Variants in HMCN1 observed in about 807,000 individuals in gnomAD.
The protein encoded by HMCN1 is hemicentin 1, also known as hemicentin-1.
Under a neutral mutation model 625.9 loss-of-function variants are expected in HMCN1, and 321 were observed. The ratio of observed to expected loss-of-function variants is 0.51; its 90% CI spans 0.47 to 0.56. HMCN1 has a LOEUF of 0.56. HMCN1 is among the 20% of genes least tolerant of loss of function. HMCN1 has a pLI of 0.00. For missense variants in HMCN1, 6,588 were observed against 6,887.3 expected (o/e 0.96, Z 1.54); for synonymous variants, 2,425 against 2,417.6 (o/e 1.00, Z -0.09).
intron 4 of HMCN1, among the ~76,000 whole-genome samples, chr1:185,888,595 G>A (rs1232985819): frequency 6.8e-6 from 1 of 146,720 alleles, no homozygotes; most frequent in Non-Finnish European, 1.5e-5. Flanking sequence ...TTTTTCTCAG[G>A]TTTGTCAAAG....
chr1:185,795,341 T>C (rs1215526018), intron 1 of HMCN1, among the ~76,000 whole-genome samples: 1 of 152,182 alleles, frequency 6.6e-6, no homozygotes, highest in African/African-American at 2.4e-5. Flanking sequence ...CATTGAGTCC[T>C]AAAAAAATAA....
intron 103 of HMCN1, among the ~76,000 whole-genome samples, chr1:186,176,451 C>A (rs1652584946): frequency 6.6e-6 from 1 of 152,202 alleles, no homozygotes; most frequent in South Asian, 2.1e-4. Flanking sequence ...TCTACATTAG[C>A]TTTTGAACTC....
At chr1:185,800,043 T>A (rs1003262659) in intron 1 of HMCN1, among the ~76,000 whole-genome samples, 2 of 152,128 alleles carry the variant, frequency 1.3e-5, no homozygotes, top group Admixed American at 6.5e-5. Context: ...GGGGCAATGT[T>A]CTAGTGTGCA....
At chr1:186,018,399 G>T (rs1280594958) in intron 34 of HMCN1, 47 bp downstream of exon 34, 1 of 1,514,134 alleles carries the variant, frequency 6.6e-7, no homozygotes, top group Admixed American at 1.7e-5. Flanking sequence ...ATTAATTTAT[G>T]CATTGTTTTA....
Position 186,119,828 on chromosome 1 carries a change from A to AC in HMCN1, c.12041dup (p.Pro4015ThrfsTer15). ...TTTATTACCATGTGAAGCAACAGGG[A>AC]CACCCAGTCCTTTCATTACTTGGCA... is the stretch of plus-strand genomic sequence containing the variant. On this transcript the variant is annotated frameshift_variant, in exon 79 of 107. Coordinates refer to ENST00000271588, the MANE Select transcript of HMCN1 (RefSeq NM_031935.3). LOFTEE classifies it high-confidence loss of function. 6.2e-7 allele frequency: 1 copy of AC among 1,614,118 alleles called. No individual in the cohort carries two copies. Among genetic ancestry groups the AC allele is most frequent in the Non-Finnish European group, 8.5e-7 (1 of 1,179,990 alleles).
At chr1:185,970,584 T>C (rs1650743064) in intron 15 of HMCN1, 91 bp downstream of exon 15, 2 of 1,156,886 alleles carry the variant, frequency 1.7e-6, no homozygotes, top group Non-Finnish European at 2.6e-6. Context: ...GGTAGAATTA[T>C]TCATCAGAAT....
intron 1 of HMCN1, among the ~76,000 whole-genome samples, chr1:185,755,498 T>G (rs1289881908): frequency 6.6e-6 from 1 of 152,190 alleles, no homozygotes; most frequent in Non-Finnish European, 1.5e-5. Context: ...AGAGTGCTGC[T>G]AGGCCTCATG....
At chr1:185,841,761 T>C (rs148387051) in intron 1 of HMCN1, among the ~76,000 whole-genome samples, 135 of 152,328 alleles carry the variant, frequency 8.9e-4, no homozygotes, top group African/African-American at 3.1e-3. Flanking sequence ...TGGGCCACTT[T>C]GGCTAATCAC....
rs1665953986 is a variant in HMCN1 at position 185,903,959 on chromosome 1, C to T, written c.622-5378C>T. 2.0e-5 allele frequency among the ~76,000 whole-genome samples: 3 copies of T among 151,790 alleles called. No homozygotes were observed. In the South Asian group the frequency reaches 6.2e-4, roughly 31 times the overall value. The stretch of plus-strand genomic sequence containing the variant: ...GCATCAGGACAAGGGGAGACTTGCT[C>T]CCAGGCTCTTTTCTGAGCCATTATA... On this transcript the variant is annotated intron_variant, in intron 4 of 106. Coordinates refer to ENST00000271588, the MANE Select transcript of HMCN1 (RefSeq NM_031935.3).
intron 91 of HMCN1, among the ~76,000 whole-genome samples, chr1:186,144,998 G>A (rs1430915910): frequency 6.6e-6 from 1 of 152,200 alleles, no homozygotes; most frequent in Non-Finnish European, 1.5e-5. Flanking sequence ...ATGAAGGCAA[G>A]CAGGCAGCTC....
chr1:185,919,090 T>TATATATATATATATATAA (rs1491448685), intron 6 of HMCN1, among the ~76,000 whole-genome samples: 3 of 150,106 alleles, frequency 2.0e-5, no homozygotes, highest in African/African-American at 5.0e-5. Context: ...TATATATATA[T>TATATATATATATATATAA]AATTTTATTA....
chr1:186,023,094 CAT>C lies in HMCN1; in HGVS notation c.5691_5692del (p.Val1899GlyfsTer18), dbSNP rs371388582. ...CTGTTGGAAGATGCTGGCAGATACA[CAT>C]GTGTGGCTACCAACGCAGCTGGAGA... is the stretch of plus-strand genomic sequence containing the variant. On this transcript the variant is annotated frameshift_variant, in exon 36 of 107. Transcript: ENST00000271588. LOFTEE classifies it high-confidence loss of function. 8 of 1,613,222 alleles carry C rather than the reference CAT, an allele frequency of 5.0e-6. No individual in the cohort carries two copies. Among genetic ancestry groups the C allele is most frequent in the South Asian group, 1.1e-5 (1 of 91,068 alleles).
chr1:186,117,256 T>A, intron 76 of HMCN1, 141 bp downstream of exon 76: 1 of 1,220,266 alleles, frequency 8.2e-7, no homozygotes, highest in South Asian at 1.3e-5. Flanking sequence ...GTTCGTTATA[T>A]GGGTAAACTA....
intron 6 of HMCN1, among the ~76,000 whole-genome samples, chr1:185,920,865 A>G (rs1666971340): frequency 6.6e-6 from 1 of 152,188 alleles, no homozygotes; most frequent in Non-Finnish European, 1.5e-5. Flanking sequence ...CAAGGCAACT[A>G]ACAGTAATAT....
At chr1:186,117,379 G>T in intron 76 of HMCN1, 80 bp from the exon 77 acceptor site, 1 of 1,488,862 alleles carries the variant, frequency 6.7e-7, no homozygotes, top group Non-Finnish European at 9.3e-7. Context: ...GCAAAAAGAG[G>T]ATGTATGATA....
rs537550933 is a variant in HMCN1, at chr1:186,175,717, C to T, written c.15943+1075C>T. Among the ~76,000 whole-genome samples, 7 of 151,648 alleles carry T rather than the reference C, an allele frequency of 4.6e-5. No individual in the cohort carries two copies. In the South Asian group the frequency reaches 1.5e-3, roughly 32 times the overall value. On this transcript the variant is annotated intron_variant, in intron 103 of 106. Transcript: ENST00000271588. Reference sequence around the variant, plus strand: ...ACAAGGAAGAATGCAGAACCATTGCCTCAATAAAAGAGTTAAAATGGCTGG... The same window carrying T: ...ACAAGGAAGAATGCAGAACCATTGCTTCAATAAAAGAGTTAAAATGGCTGG...
intron 68 of HMCN1, among the ~76,000 whole-genome samples, chr1:186,103,044 G>A (rs77148831): frequency 7.2e-5 from 11 of 152,178 alleles, no homozygotes; most frequent in African/African-American, 2.6e-4. Context: ...TGGAAAAGAT[G>A]ATAGCAAAAT....
intron 2 of HMCN1, among the ~76,000 whole-genome samples, chr1:185,849,245 C>A (rs1193421706): frequency 1.3e-5 from 2 of 152,130 alleles, no homozygotes; most frequent in Non-Finnish European, 1.5e-5. Context: ...ATGCTGTTCT[C>A]GCACAGAGAG....
chr1:185,985,279 G>A (rs2102012443), intron 19 of HMCN1, among the ~76,000 whole-genome samples: 1 of 152,242 alleles, frequency 6.6e-6, no homozygotes, highest in Middle Eastern at 3.4e-3. Flanking sequence ...ATAACCTAGA[G>A]GAATAAATGC....
Sources: gnomAD v4.1 joint callset for allele counts (sites outside exome capture counted in the v4.1 genomes callset) on GRCh38, gnomAD v4.1.1 for gene constraint, MANE v1.5 for transcripts, NCBI Gene and HGNC (gene_info 2026-07-23, HGNC 2026-07-21) for gene names.